LYST: variants seen among roughly 807,000 people sequenced by gnomAD.
LYST encodes lysosomal-trafficking regulator.
LYST carries 192 observed loss-of-function variants against 413.6 expected under a neutral mutation model. The observed-to-expected ratio is 0.46, with a 90% confidence interval of 0.41 to 0.52. The LOEUF is 0.52. Ranked by LOEUF, LYST falls within the 20% of genes least tolerant of loss-of-function variation. LYST has a pLI of 0.00. For missense variants in LYST, 3,815 were observed against 4,499.9 expected (o/e 0.85, Z 4.35); for synonymous variants, 1,525 against 1,567.3 (o/e 0.97, Z 0.64).
intron 15 of LYST, among the ~76,000 whole-genome samples, chr1:235,781,341 T>C (rs1176511444): frequency 6.6e-6 from 1 of 152,152 alleles, no homozygotes; most frequent in Non-Finnish European, 1.5e-5. Flanking sequence ...TTCTGTTTTA[T>C]TTTACTTTGT....
chr1:235,791,664 C>T, intron 12 of LYST, 35 bp downstream of exon 12: 1 of 1,548,808 alleles, frequency 6.5e-7, no homozygotes, highest in Non-Finnish European at 8.9e-7. Flanking sequence ...TGAAAACAAT[C>T]TTTGTGTACA....
At chr1:235,737,152 A>G (rs1041746737) in intron 31 of LYST, 8 of 152,178 alleles carry the variant, frequency 5.3e-5, no homozygotes, top group Non-Finnish European at 1.0e-4. Flanking sequence ...GTATAACCAT[A>G]ATAGTATGCT....
chr1:235,771,443 G>C (rs1346706865), intron 19 of LYST, among the ~76,000 whole-genome samples: 1 of 152,068 alleles, frequency 6.6e-6, no homozygotes, highest in Non-Finnish European at 1.5e-5. Context: ...AATAAACTTT[G>C]TCCAACTTTG....
chr1:235,838,462 T>C (rs1267516878), intron 1 of LYST, among the ~76,000 whole-genome samples: 1 of 152,240 alleles, frequency 6.6e-6, no homozygotes, highest in Non-Finnish European at 1.5e-5. Flanking sequence ...TTATCTGGAA[T>C]GAATTCTTAG....
chr1:235,830,000 C>A (rs1165734204), intron 3 of LYST: 27 of 506,228 alleles, frequency 5.3e-5, no homozygotes, highest in Non-Finnish European at 8.8e-5. Context: ...ATATATGAAA[C>A]CATTTAGTTC....
chr1:235,713,753 C>T (rs1662601453), intron 42 of LYST, among the ~76,000 whole-genome samples: 1 of 152,124 alleles, frequency 6.6e-6, no homozygotes, highest in South Asian at 2.1e-4. Context: ...TGGAGAATCC[C>T]TGCATTAAAC....
intron 1 of LYST, among the ~76,000 whole-genome samples, chr1:235,846,582 G>C (rs949301281): frequency 1.3e-5 from 2 of 151,996 alleles, no homozygotes; most frequent in African/African-American, 4.8e-5. Flanking sequence ...ATCAGGGAGG[G>C]ACCAGAGAAA....
At chr1:235,723,240 A>T (rs917635914) in intron 39 of LYST, among the ~76,000 whole-genome samples, 1 of 152,214 alleles carries the variant, frequency 6.6e-6, no homozygotes, top group Non-Finnish European at 1.5e-5. Flanking sequence ...TACGTTTGAG[A>T]TGTCAATTAG....
Position 235,712,088 on chromosome 1 carries a change from GA to G in LYST, c.9893del (p.Phe3298SerfsTer7), listed in dbSNP as rs80338668. 1.3e-6 allele frequency: 2 copies of G among 1,549,834 alleles called. No individual in the cohort carries two copies. The highest frequency in any genetic ancestry group is 2.7e-5 in the African/African-American group (2 of 73,064). On this transcript the variant is annotated frameshift_variant, in exon 43 of 53. Transcript: ENST00000389793. LOFTEE classifies it high-confidence loss of function. Reference sequence around the variant, plus strand: ...GGTTAACTAGGAACTCTGGAAGATAGAAAAACTCTGGGATAAGTTCTTTCAC... The same window carrying G: ...GGTTAACTAGGAACTCTGGAAGATAGAAAACTCTGGGATAAGTTCTTTCAC... ...TDVKELIPEFFYLPEFLVNRE... is the reference protein window; with the variant it reads ...TDVKELIPEFXYLPEFLVNRE...
At position 235,718,481 on chromosome 1, in the gene LYST, C is replaced by G. The variant is rs374244269; in HGVS notation, c.9561-1703G>C. Among the ~76,000 whole-genome samples the G allele has an allele frequency of 2.6e-5, 4 of 151,776 alleles. No homozygotes were observed. The South Asian group carries it at 8.3e-4, about 32-fold the overall frequency. On this transcript the variant is annotated intron_variant, in intron 40 of 52. Transcript: ENST00000389793. Reference sequence around the variant, plus strand: ...CCTCAGCTTCCTGAGTAGTTGGTCTCGAACTCCTGACGTCAGGTGATCTGC... The same window carrying G: ...CCTCAGCTTCCTGAGTAGTTGGTCTGGAACTCCTGACGTCAGGTGATCTGC...
intron 1 of LYST, among the ~76,000 whole-genome samples, chr1:235,834,489 C>T (rs940844168): frequency 2.6e-5 from 4 of 152,134 alleles, no homozygotes; most frequent in South Asian, 4.1e-4. Flanking sequence ...CTGCCCACCT[C>T]GGCCTCCCAA....
At chr1:235,776,503 T>C (rs2180759) in intron 17 of LYST, among the ~76,000 whole-genome samples, 122,259 of 152,078 alleles carry the variant, frequency 0.8, 49,393 homozygotes, top group African/African-American at 0.9. Context: ...TGATTTTTAC[T>C]AAAGTGAGAC....
In LYST at chr1:235,687,023, C is replaced by T. The variant is rs949456149; in HGVS notation, c.10726G>A (p.Asp3576Asn). 1 of 1,613,766 alleles carries T rather than the reference C, an allele frequency of 6.2e-7. No individual in the cohort carries two copies. Among genetic ancestry groups the T allele is most frequent in the African/African-American group, 1.3e-5 (1 of 74,896 alleles). ...CTTCCAGTAAACAGCTGGCAACTGT[C>T]AGGCACCCAAGCACAACTAGTCACC... is the stretch of plus-strand genomic sequence containing the variant. ...YQVTSCAWVPDSCQLFTGSKC... is the reference protein window; with the variant it reads ...YQVTSCAWVPNSCQLFTGSKC... The change falls in exon 48 of 53, where the codon GAC (aspartate) becomes AAC (asparagine). Residue 3576 changes from aspartate to asparagine, a missense_variant. Asp to Asn is a conservative substitution (Grantham distance 23). This residue lies in a region of LYST where 866 missense variants were observed against 1,156.0 expected (regional missense o/e 0.75). Transcript: ENST00000389793.
chr1:235,737,937 TGCCCCAACACC>T, intron 31 of LYST: 2,231 of 1,188,160 alleles, frequency 1.9e-3, no homozygotes, highest in South Asian at 0.014. Context: ...CACTGCCGCG[TGCCCCAACACC>T]CGCCGGACGT....
intron 31 of LYST, chr1:235,736,707 C>T (rs1664851954): frequency 1.3e-5 from 2 of 152,068 alleles, no homozygotes; most frequent in Non-Finnish European, 2.9e-5. Context: ...TAATAATGAT[C>T]TCTAGGATAT....
At chr1:235,804,160 C>T (rs982401521) in intron 7 of LYST, among the ~76,000 whole-genome samples, 1 of 152,106 alleles carries the variant, frequency 6.6e-6, no homozygotes, top group African/African-American at 2.4e-5. Flanking sequence ...GGTAAATCAC[C>T]ACCATCCCTG....
Position 235,809,340 on chromosome 1 carries a change from T to C in LYST, c.1478A>G (p.His493Arg), listed in dbSNP as rs886046181. ...GTGCCTTTTTCTTGTACACATCGAATGATGAAGTTGCTCTGATTTCACTTT... is the reference window on the plus strand; with the variant it reads ...GTGCCTTTTTCTTGTACACATCGAACGATGAAGTTGCTCTGATTTCACTTT... Reference protein sequence around the residue: ...VKKVKSEQLHHSMCTRKRHRR... With the variant: ...VKKVKSEQLHRSMCTRKRHRR... The change falls in exon 5 of 53, where the codon CAT becomes CGT. Residue 493 changes from histidine (H) to arginine (R), a missense_variant. His to Arg is a conservative substitution (Grantham distance 29, BLOSUM62 0). Coordinates refer to ENST00000389793, the MANE Select transcript of LYST (RefSeq NM_000081.4). The surrounding 1 kb of genome is among the most constrained non-coding windows in gnomAD (Gnocchi z 4.0). 5 of 1,614,112 alleles carry C rather than the reference T, an allele frequency of 3.1e-6. No homozygotes were observed. Among genetic ancestry groups the C allele is most frequent in the Admixed American group, 1.7e-5 (1 of 60,000 alleles).
rs1169945782 is a variant in LYST at position 235,731,054 on chromosome 1, A to G, written c.8925T>C (p.Leu2975=). 3.1e-6 allele frequency: 5 copies of G among 1,613,670 alleles called. No homozygotes were observed. The highest frequency in any genetic ancestry group is 1.7e-5 in the Admixed American group (1 of 60,024). ...CYLTIPNKYL[L]RDRQKSEDVV... ...TACCTTCTGATTTCTGTCTATCCCT[A>G]AGGAGATACTTATTTGGAATAGTTA... The change falls in exon 35 of 53, where the codon CTT becomes CTC. Residue 2975 remains leucine, a synonymous_variant. Transcript: ENST00000389793.
chr1:235,664,453 A>T lies in LYST; in HGVS notation c.11195+12T>A. The T allele has an allele frequency of 6.2e-7, 1 of 1,612,660 alleles. No homozygotes were observed. Among genetic ancestry groups the T allele is most frequent in the Non-Finnish European group, 8.5e-7 (1 of 1,178,838 alleles). ...AATGAAATCAAAAAAAGAGAATCCA[A>T]ATTCCTCTTACCTTACAATTCCATT... On this transcript the variant is annotated intron_variant, in intron 51 of 52. Transcript: ENST00000389793. The surrounding 1 kb of genome is among the most constrained non-coding windows in gnomAD (Gnocchi z 4.5).
Sources: gnomAD v4.1 joint callset for allele counts (sites outside exome capture counted in the v4.1 genomes callset) on GRCh38, gnomAD v4.1.1 for gene constraint, gnomAD v4.1.1 regional missense constraint, Gnocchi (gnomAD v3.1) non-coding constraint, MANE v1.5 for transcripts, NCBI Gene and HGNC (gene_info 2026-07-23, HGNC 2026-07-21) for gene names.